NXF3: variants seen among roughly 807,000 people sequenced by gnomAD.
The protein encoded by NXF3 is nuclear RNA export factor 3.
Under a neutral mutation model 48.4 loss-of-function variants are expected in NXF3, and 34 were observed. That is an observed-to-expected ratio of 0.70 (90% CI 0.53 to 0.93). The LOEUF is 0.93. NXF3 is among the 40% of genes least tolerant of loss of function. The pLI is 0.00. For synonymous variants in NXF3, 132 were observed against 145.7 expected (o/e 0.91, Z 0.68); for missense variants, 359 against 406.1 (o/e 0.88, Z 1.00).
chrX:103,077,273 C>T lies in NXF3; in HGVS notation c.1584+341G>A, dbSNP rs780235669. 1.6e-4 allele frequency among the ~76,000 whole-genome samples: 13 copies of T among 82,807 alleles called. No individual in the cohort carries two copies. In the East Asian group the frequency reaches 4.7e-3, roughly 30 times the overall value. 71.9% of individuals were successfully genotyped at this position (82,807 alleles called of 115,157 possible). A position where few individuals can be genotyped will look rare whatever the true frequency, so the allele number is the denominator to read the frequency against. Reference sequence around the variant, plus strand: ...TTTTTTTTTTTTTTTTTTTCCGAGACGGAGTCTTGCTCTGTTGCCCAGGCT... The same window carrying T: ...TTTTTTTTTTTTTTTTTTTCCGAGATGGAGTCTTGCTCTGTTGCCCAGGCT... On this transcript the variant is annotated intron_variant, in intron 18 of 19. Transcript: ENST00000395065.
intron 1 of NXF3, among the ~76,000 whole-genome samples, chrX:103,085,967 T>G (rs962509840): frequency 9.3e-6 from 1 of 107,354 alleles, no homozygotes; most frequent in East Asian, 3.0e-4. Context: ...TAACACTACT[T>G]CTCCACTGTT....
intron 10 of NXF3, 67 bp downstream of exon 10, chrX:103,080,509 G>A: frequency 3.9e-6 from 4 of 1,025,449 alleles, no homozygotes; most frequent in Non-Finnish European, 5.5e-6. Context: ...TATCTAAAGG[G>A]GTTTGGGGCA....
At chrX:103,085,753 A>C (rs1326751373) in intron 1 of NXF3, among the ~76,000 whole-genome samples, 1 of 109,236 alleles carries the variant, frequency 9.2e-6, no homozygotes, top group East Asian at 2.9e-4. Context: ...AATACAAAAA[A>C]TTAGCCGGGC....
rs369315022 is a variant in NXF3 at position 103,083,306 on chromosome X, C to T, written c.541-33G>A. 2.8e-5 allele frequency: 33 copies of T among 1,183,953 alleles called. No individual in the cohort carries two copies. The East Asian group carries it at 3.9e-4, about 14-fold the overall frequency. On this transcript the variant is annotated intron_variant, in intron 5 of 19. Coordinates refer to ENST00000395065, the MANE Select transcript of NXF3 (RefSeq NM_022052.2). ...GAACCCAAGAGGGGCTGAGTAAACA[C>T]TAGGAACTCTGACCCCCAAGATCAA... is the stretch of plus-strand genomic sequence containing the variant.
intron 1 of NXF3, chrX:103,087,786 G>A: frequency 1.1e-6 from 1 of 920,302 alleles, no homozygotes; most frequent in Non-Finnish European, 1.6e-6. Flanking sequence ...AAATCTTTTT[G>A]ACAGTCACCT....
chrX:103,082,066 G>A (rs1458405977), intron 9 of NXF3, 189 bp downstream of exon 9: 2 of 444,921 alleles, frequency 4.5e-6, no homozygotes, highest in Non-Finnish European at 8.1e-6. Flanking sequence ...GGGTGAAAAG[G>A]GGACCATGTC....
At chrX:103,082,689 TA>T (rs747447814) in intron 8 of NXF3, 70 bp downstream of exon 8, 2 of 884,116 alleles carry the variant, frequency 2.3e-6, no homozygotes, top group Non-Finnish European at 3.3e-6. Context: ...GGGGATATCT[TA>T]GACCAATTAG....
chrX:103,091,144 T>C (rs1922261618), intron 1 of NXF3, among the ~76,000 whole-genome samples: 1 of 111,892 alleles, frequency 8.9e-6, no homozygotes, highest in African/African-American at 3.3e-5. Context: ...ACAGGGAGAG[T>C]CCTAACAGTG....
intron 18 of NXF3, among the ~76,000 whole-genome samples, chrX:103,077,235 A>G (rs1463604744): frequency 1.1e-5 from 1 of 89,314 alleles, no homozygotes; most frequent in Non-Finnish European, 2.2e-5. Flanking sequence ...CACACCCAGC[A>G]CTCACTTCTT....
Position 103,082,389 on chromosome X carries a change from T to C in NXF3, c.781-25A>G. On this transcript the variant is annotated intron_variant, in intron 8 of 19. Coordinates refer to ENST00000395065, the MANE Select transcript of NXF3 (RefSeq NM_022052.2). ...CCTGCAATTATGCAGAAGAACCACG[T>C]AGACCCAGGAAAGAGCAGCTGGAGG... 3 of 1,077,500 alleles carry C rather than the reference T, an allele frequency of 2.8e-6. No individual in the cohort carries two copies. In the South Asian group the frequency reaches 5.8e-5, roughly 21 times the overall value. The allele number at this position is 1,077,500 out of a possible 1,213,427, so 88.8% of individuals were successfully genotyped here. A position where few individuals can be genotyped will look rare whatever the true frequency, so the allele number is the denominator to read the frequency against.
At chrX:103,076,388 C>A in intron 18 of NXF3, 87 bp from the exon 19 acceptor site, 2 of 981,615 alleles carry the variant, frequency 2.0e-6, no homozygotes, top group Non-Finnish European at 2.9e-6. Context: ...ATCTATGCAA[C>A]AGAAACATGT....
In NXF3 at chrX:103,083,031, C is replaced by G. The variant is rs777960213; in HGVS notation, c.664G>C (p.Asp222His). ...GGGTAAAATGGGAGTCTCTGGATATCAAGAGCTTCCTGGGAGACATCACAC... is the reference window on the plus strand; with the variant it reads ...GGGTAAAATGGGAGTCTCTGGATATGAAGAGCTTCCTGGGAGACATCACAC... ...QQCDVSQEAL[D>H]IQRLPFYPDM... The change falls in exon 7 of 20, where the codon GAT becomes CAT. Residue 222 changes from aspartate to histidine, a missense_variant. Coordinates refer to ENST00000395065, the MANE Select transcript of NXF3 (RefSeq NM_022052.2). 9.9e-6 allele frequency: 12 copies of G among 1,211,003 alleles called. No homozygotes were observed. The highest frequency in any genetic ancestry group is 1.3e-5 in the Non-Finnish European group (12 of 894,920).
rs193202889 is a variant in NXF3 at position 103,091,013 on chromosome X, C to T, written c.28+1983G>A. Among the ~76,000 whole-genome samples the T allele has an allele frequency of 7.6e-3, 848 of 112,244 alleles. 7 individuals are homozygous for T. Among genetic ancestry groups the T allele is most frequent in the Non-Finnish European group, 0.013 (692 of 53,259 alleles). On this transcript the variant is annotated intron_variant, in intron 1 of 19. Transcript: ENST00000395065. ...GCAAGGAATAGCTAGTTTATATTTTCCAATAATGTTCAAGGTTTTCTCCTT... is the reference window on the plus strand; with the variant it reads ...GCAAGGAATAGCTAGTTTATATTTTTCAATAATGTTCAAGGTTTTCTCCTT...
At chrX:103,089,080 G>C in intron 1 of NXF3, 1 of 1,043,715 alleles carries the variant, frequency 9.6e-7, no homozygotes. Flanking sequence ...TTCCTGTACC[G>C]ACGCAGTGTT....
At chrX:103,088,718 T>G (rs1452900531) in intron 1 of NXF3, 1 of 1,039,423 alleles carries the variant, frequency 9.6e-7, no homozygotes, top group African/African-American at 1.9e-5. Context: ...TTTTTGCTGT[T>G]AATATTTGTA....
chrX:103,086,765 C>T (rs1922167392), intron 1 of NXF3, among the ~76,000 whole-genome samples: 1 of 109,473 alleles, frequency 9.1e-6, no homozygotes, highest in African/African-American at 3.3e-5. Context: ...CGATTCATAC[C>T]ATTTACACAC....
At chrX:103,089,506 G>A (rs1459337414) in intron 1 of NXF3, among the ~76,000 whole-genome samples, 4 of 111,720 alleles carry the variant, frequency 3.6e-5, no homozygotes, top group Non-Finnish European at 7.5e-5. Flanking sequence ...CTATAAAGTA[G>A]GCATTTTAAT....
chrX:103,093,102 G>C lies in NXF3; in HGVS notation c.-79C>G. Reference sequence around the variant, plus strand: ...CGGGAGTTTGGAGAAGATTGAGGAGGGCTGCTGACGAAGGCGAGAGCAAGC... The same window carrying C: ...CGGGAGTTTGGAGAAGATTGAGGAGCGCTGCTGACGAAGGCGAGAGCAAGC... On this transcript the variant is annotated 5_prime_UTR_variant, in exon 1 of 20. Coordinates refer to ENST00000395065, the MANE Select transcript of NXF3 (RefSeq NM_022052.2). 3 of 955,653 alleles carry C rather than the reference G, an allele frequency of 3.1e-6. No individual in the cohort carries two copies. The highest frequency in any genetic ancestry group is 4.5e-6 in the Non-Finnish European group (3 of 668,574). The allele number at this position is 955,653 out of a possible 1,213,427, so 78.8% of individuals were successfully genotyped here. A position where few individuals can be genotyped will look rare whatever the true frequency, so the allele number is the denominator to read the frequency against.
intron 1 of NXF3, chrX:103,088,978 C>G (rs1284267473): frequency 1.7e-6 from 2 of 1,166,608 alleles, no homozygotes; most frequent in African/African-American, 1.8e-5. Flanking sequence ...CCTGGTAGCA[C>G]CAGGCAGCCC....
Sources: gnomAD v4.1 joint callset for allele counts (sites outside exome capture counted in the v4.1 genomes callset) on GRCh38, gnomAD v4.1.1 for gene constraint, MANE v1.5 for transcripts, NCBI Gene and HGNC (gene_info 2026-07-23, HGNC 2026-07-21) for gene names.